The following HDAC4 variants were observed in gnomAD, a reference collection of about 807,000 sequenced individuals.
HDAC4 encodes histone deacetylase A.
Under a neutral mutation model 135.1 loss-of-function variants are expected in HDAC4, and 16 were observed. That is an observed-to-expected ratio of 0.12 (90% CI 0.08 to 0.18). HDAC4 has a LOEUF of 0.18. Ranked by LOEUF, HDAC4 falls within the 10% of genes least tolerant of loss-of-function variation. The probability of loss-of-function intolerance (pLI) is 1.00; values close to 1 mark genes in which losing one functional copy is unlikely to be tolerated. For missense variants in HDAC4, 1,143 were observed against 1,511.8 expected, an observed-to-expected ratio of 0.76 and a Z score of 4.05; for synonymous variants, 685 against 653.4, an observed-to-expected ratio of 1.05 and a Z score of -0.74.
At chr2:239,089,824 C>T in intron 18 of HDAC4, 185 bp downstream of exon 18, 2 of 618,122 alleles carry the variant, frequency 3.2e-6, no homozygotes, top group South Asian at 3.6e-5. Context: ...CATACCCTAT[C>T]ACAAATGTGG....
chr2:239,058,641 T>C (rs2106466367), intron 24 of HDAC4, among the ~76,000 whole-genome samples: 1 of 152,350 alleles, frequency 6.6e-6, no homozygotes, highest in South Asian at 2.1e-4. Context: ...ATACAGGTTA[T>C]TGTGATAAGA....
chr2:239,061,157 A>G (rs2032646227), intron 24 of HDAC4, among the ~76,000 whole-genome samples: 1 of 151,976 alleles, frequency 6.6e-6, no homozygotes, highest in Admixed American at 6.5e-5. Flanking sequence ...TGGTGTGTGT[A>G]AGCATTCATG....
intron 2 of HDAC4, among the ~76,000 whole-genome samples, chr2:239,301,257 G>A (rs534664815): frequency 5.3e-5 from 8 of 152,162 alleles, no homozygotes; most frequent in Non-Finnish European, 1.2e-4. Context: ...TCCCATCCCA[G>A]CCACGACGAG....
intron 11 of HDAC4, among the ~76,000 whole-genome samples, chr2:239,127,451 C>T (rs892935969): frequency 2.0e-5 from 3 of 152,160 alleles, no homozygotes; most frequent in Non-Finnish European, 4.4e-5. Context: ...ATGCGTTCAT[C>T]GAGATATATA....
intron 19 of HDAC4, among the ~76,000 whole-genome samples, chr2:239,085,084 G>A (rs1320792123): frequency 1.4e-5 from 2 of 147,620 alleles, no homozygotes; most frequent in Non-Finnish European, 3.0e-5. Flanking sequence ...TCTCCTGCTT[G>A]GAGGTCCCCC....
At chr2:239,199,265 T>C (rs917976538) in intron 3 of HDAC4, among the ~76,000 whole-genome samples, 1 of 151,706 alleles carries the variant, frequency 6.6e-6, no homozygotes, top group South Asian at 2.1e-4. Flanking sequence ...AGCTTAGACT[T>C]CCCAGCAAGG....
chr2:239,260,093 A>C (rs1238372954), intron 2 of HDAC4, among the ~76,000 whole-genome samples: 5 of 152,194 alleles, frequency 3.3e-5, no homozygotes, highest in African/African-American at 1.2e-4. Context: ...CCACCTCTAT[A>C]AGCTGAGCAA....
chr2:239,326,226 G>A (rs4852047), intron 2 of HDAC4, among the ~76,000 whole-genome samples: 20,796 of 152,096 alleles, frequency 0.14, 2,091 homozygotes, highest in East Asian at 0.42. Flanking sequence ...CACAATACGA[G>A]TGAACCCTGA....
intron 11 of HDAC4, among the ~76,000 whole-genome samples, chr2:239,130,729 G>C (rs545524172): frequency 6.6e-6 from 1 of 152,132 alleles, no homozygotes; most frequent in African/African-American, 2.4e-5. Context: ...GCCCACCTGC[G>C]GCACAGCCCT....
intron 3 of HDAC4, among the ~76,000 whole-genome samples, chr2:239,208,100 AT>A (rs2046147157): frequency 6.6e-6 from 1 of 151,968 alleles, no homozygotes; most frequent in South Asian, 2.1e-4. Context: ...AGACAGGCGG[AT>A]CACGAGGTCA....
rs1253727989 is a variant in HDAC4, at chr2:239,052,629, A to ATGAG, written c.*464_*467dup. The ATGAG allele has an allele frequency of 5.8e-6, 1 of 173,342 alleles. No individual in the cohort carries two copies. Among genetic ancestry groups the ATGAG allele is most frequent in the Non-Finnish European group, 1.3e-5 (1 of 79,326 alleles). 10.7% of individuals were successfully genotyped at this position (173,342 alleles called of 1,614,324 possible). A position where few individuals can be genotyped will look rare whatever the true frequency, so the allele number is the denominator to read the frequency against. ...TCTTTAAAAAAAAATAAGCTACAAG[A>ATGAG]TGAGTCGAGTGGTTTACACAGAGAC... On this transcript the variant is annotated 3_prime_UTR_variant, in exon 27 of 27. Transcript: ENST00000543185.
chr2:239,133,790 A>G (rs2040758698), intron 11 of HDAC4, among the ~76,000 whole-genome samples: 1 of 152,138 alleles, frequency 6.6e-6, no homozygotes, highest in South Asian at 2.1e-4. Context: ...TTCTGAAGTG[A>G]CACTTTCACA....
At chr2:239,160,123 G>C (rs2042698145) in intron 6 of HDAC4, among the ~76,000 whole-genome samples, 2 of 152,220 alleles carry the variant, frequency 1.3e-5, no homozygotes, top group South Asian at 4.1e-4. Context: ...ACCATGATGG[G>C]AGCCACATGT....
chr2:239,227,698 G>A (rs1290252019), intron 3 of HDAC4, among the ~76,000 whole-genome samples: 1 of 152,180 alleles, frequency 6.6e-6, no homozygotes, highest in Admixed American at 6.5e-5. Flanking sequence ...CCTCGGGTGC[G>A]GAGGAACATA....
intron 2 of HDAC4, among the ~76,000 whole-genome samples, chr2:239,346,715 C>A (rs936979627): frequency 1.2e-4 from 18 of 150,056 alleles, no homozygotes; most frequent in Non-Finnish European, 2.4e-4. Context: ...CACACACATA[C>A]CCTAACACAC....
chr2:239,124,178 G>A (rs750262624), intron 12 of HDAC4, among the ~76,000 whole-genome samples: 16 of 152,190 alleles, frequency 1.1e-4, no homozygotes, highest in African/African-American at 1.4e-4. Flanking sequence ...TCCAATTCAC[G>A]CTTTTAAATG....
chr2:239,053,469 G>A lies in HDAC4; in HGVS notation c.3221C>T (p.Ala1074Val). Reference protein sequence around the residue: ...MASLSVGVKPAEKRPDEEPME... With the variant: ...MASLSVGVKPVEKRPDEEPME... ...CAGGGCAGGTGCTCACCTCTTTTCG[G>A]CGGGCTTCACGCCCACGGACAGCGA... Residue 1074 changes from alanine to valine, a missense_variant, in exon 26 of 27, where the codon GCC becomes GTC. Transcript: ENST00000543185. 1 of 1,613,086 alleles carries A rather than the reference G, an allele frequency of 6.2e-7. No individual in the cohort carries two copies. The highest frequency in any genetic ancestry group is 8.5e-7 in the Non-Finnish European group (1 of 1,179,600).
chr2:239,071,656 G>A (rs1348490138), intron 22 of HDAC4, among the ~76,000 whole-genome samples: 1 of 152,034 alleles, frequency 6.6e-6, no homozygotes, highest in Non-Finnish European at 1.5e-5. Context: ...CTGTGGTTGT[G>A]CCTTGTCTTC....
At chr2:239,095,664 C>T (rs953204233) in intron 16 of HDAC4, among the ~76,000 whole-genome samples, 15 of 152,186 alleles carry the variant, frequency 9.9e-5, no homozygotes, top group African/African-American at 3.4e-4. Flanking sequence ...CCATGGAAAT[C>T]GGGGCCCTCG....
Sources: gnomAD v4.1 joint callset for allele counts (sites outside exome capture counted in the v4.1 genomes callset) on GRCh38, gnomAD v4.1.1 for gene constraint, MANE v1.5 for transcripts, NCBI Gene and HGNC (gene_info 2026-07-23, HGNC 2026-07-21) for gene names.